The following LARGE1 variants were observed in gnomAD, a reference collection of about 807,000 sequenced individuals.
The protein encoded by LARGE1 is xylosyl- and glucuronyltransferase LARGE1.
LARGE1 carries 43 observed loss-of-function variants against 87.6 expected under a neutral mutation model. The observed-to-expected ratio is 0.49, with a 90% CI of 0.38 to 0.63. The LOEUF (loss-of-function observed/expected upper bound fraction) is 0.63, where lower values mean the gene tolerates loss of function less well. LARGE1 is among the 30% of genes least tolerant of loss of function. LARGE1 has a pLI of 0.00. For missense variants in LARGE1, 802 were observed against 1,000.2 expected, an observed-to-expected ratio of 0.80 and a Z score of 2.67; for synonymous variants, 434 against 394.6, an observed-to-expected ratio of 1.10 and a Z score of -1.18.
intron 12 of LARGE1, among the ~76,000 whole-genome samples, chr22:33,289,840 A>T (rs867611665): frequency 6.6e-6 from 1 of 152,054 alleles, no homozygotes; most frequent in Admixed American, 6.6e-5. Flanking sequence ...CCTCTTCTGT[A>T]TATCTTTTTT....
intron 10 of LARGE1, among the ~76,000 whole-genome samples, chr22:33,326,318 T>G (rs897331461): frequency 6.6e-6 from 1 of 152,204 alleles, no homozygotes; most frequent in African/African-American, 2.4e-5. Flanking sequence ...TGCCAAGTCT[T>G]GTGCTAGGAA....
chr22:33,717,532 A>G lies in LARGE1; in HGVS notation c.106+43839T>C, dbSNP rs144452135. On this transcript the variant is annotated intron_variant, in intron 2 of 14. Coordinates refer to ENST00000397394, the MANE Select transcript of LARGE1 (RefSeq NM_133642.5). ...TCAGATTATAATCTTGGAGAAATCC[A>G]GAAAGCCACAGAGGAGCCCGTAAAG... 4.5e-4 allele frequency among the ~76,000 whole-genome samples: 68 copies of G among 152,326 alleles called. 1 individual carries two copies. The highest frequency in any genetic ancestry group is 1.5e-3 in the African/African-American group (64 of 41,576).
chr22:33,421,251 A>C (rs967255049), intron 7 of LARGE1, among the ~76,000 whole-genome samples: 1 of 152,066 alleles, frequency 6.6e-6, no homozygotes, highest in South Asian at 2.1e-4. Flanking sequence ...TCAATAAAGG[A>C]GTGGGAAAAT....
At chr22:33,224,319 G>GATGAACGGATAGATGA (rs137470) in intron 11 of LARGE1, among the ~76,000 whole-genome samples, 50,968 of 151,904 alleles carry the variant, frequency 0.34, 10,445 homozygotes, top group African/African-American at 0.59. Context: ...AAAAGTGCTG[G>GATGAACGGATAGATGA]ATAAATGCCC....
chr22:33,250,347 A>G (rs1172789857), intron 11 of LARGE1, among the ~76,000 whole-genome samples: 2 of 152,232 alleles, frequency 1.3e-5, no homozygotes, highest in Non-Finnish European at 2.9e-5. Context: ...TAAGAAAGCA[A>G]TTGATGTTTA....
the LARGE1 span, among the ~76,000 whole-genome samples, chr22:33,084,868 A>ATTAC: frequency 6.6e-6 from 1 of 152,176 alleles, no homozygotes; most frequent in Non-Finnish European, 1.5e-5. Context: ...TTATTATAAC[A>ATTAC]ACATCCTCAA....
chr22:33,746,112 T>G lies in LARGE1; in HGVS notation c.106+15259A>C, dbSNP rs569666447. ...CGAAAATTAGTCGGGTATGGTGGCA[T>G]GCGCCTGTAGTCCCAGCTACTCGGG... On this transcript the variant is annotated intron_variant, in intron 2 of 14. Coordinates refer to ENST00000397394, the MANE Select transcript of LARGE1 (RefSeq NM_133642.5). 6.6e-5 allele frequency among the ~76,000 whole-genome samples: 10 copies of G among 152,260 alleles called. No homozygotes were observed. In the South Asian group the frequency reaches 1.7e-3, roughly 25 times the overall value.
intron 12 of LARGE1, among the ~76,000 whole-genome samples, chr22:33,286,781 A>G (rs930393761): frequency 7.9e-5 from 12 of 152,244 alleles, no homozygotes; most frequent in African/African-American, 1.4e-4. Flanking sequence ...GGATGTTTGT[A>G]TCTATATAAG....
chr22:33,349,915 A>C (rs1173058444), intron 9 of LARGE1, among the ~76,000 whole-genome samples: 1 of 152,224 alleles, frequency 6.6e-6, no homozygotes, highest in African/African-American at 2.4e-5. Flanking sequence ...GGAAGAAAAG[A>C]GACCCAACTC....
At chr22:33,216,341 T>C (rs1354548805) in intron 11 of LARGE1, among the ~76,000 whole-genome samples, 1 of 151,624 alleles carries the variant, frequency 6.6e-6, no homozygotes, top group African/African-American at 2.4e-5. Context: ...TAAAAAGGGC[T>C]TGGGGGGCTG....
chr22:33,619,476 A>G (rs1264538610), intron 4 of LARGE1, among the ~76,000 whole-genome samples: 1 of 150,626 alleles, frequency 6.6e-6, no homozygotes, highest in Non-Finnish European at 1.5e-5. Context: ...AATTGCTTGA[A>G]CTTGGGAGGC....
At chr22:33,650,857 C>A (rs1219943472) in intron 2 of LARGE1, among the ~76,000 whole-genome samples, 189 bp from the exon 3 acceptor site, 3 of 152,140 alleles carry the variant, frequency 2.0e-5, no homozygotes, top group Non-Finnish European at 4.4e-5. Context: ...GAGAACAGAA[C>A]AACTTATTAT....
intron 1 of LARGE1, among the ~76,000 whole-genome samples, chr22:33,905,966 C>T (rs1411808602): frequency 6.6e-6 from 1 of 151,988 alleles, no homozygotes; most frequent in East Asian, 1.9e-4. Flanking sequence ...CCCATCTCTA[C>T]TAAAAATACA....
At chr22:33,263,136 C>T (rs897538110) in intron 11 of LARGE1, among the ~76,000 whole-genome samples, 4 of 152,040 alleles carry the variant, frequency 2.6e-5, no homozygotes, top group Admixed American at 6.6e-5. Flanking sequence ...CCTTGTGATT[C>T]GCCACCTCAG....
chr22:33,682,884 G>A (rs2081824507), intron 2 of LARGE1, among the ~76,000 whole-genome samples: 1 of 152,202 alleles, frequency 6.6e-6, no homozygotes, highest in South Asian at 2.1e-4. Context: ...CCAATGGTAG[G>A]GAACAAAGCC....
intron 1 of LARGE1, among the ~76,000 whole-genome samples, chr22:33,825,744 A>G (rs753576763): frequency 4.6e-5 from 7 of 152,150 alleles, no homozygotes; most frequent in Non-Finnish European, 8.8e-5. Context: ...CAGCAAAACC[A>G]TATCAGATGG....
At chr22:33,569,285 G>A (rs2078123034) in intron 5 of LARGE1, among the ~76,000 whole-genome samples, 1 of 152,284 alleles carries the variant, frequency 6.6e-6, no homozygotes, top group South Asian at 2.1e-4. Flanking sequence ...GAACACGAGA[G>A]TGATGGGTTA....
chr22:33,696,553 A>C (rs1388826536), intron 2 of LARGE1, among the ~76,000 whole-genome samples: 1 of 152,108 alleles, frequency 6.6e-6, no homozygotes, highest in African/African-American at 2.4e-5. Flanking sequence ...CTATCTATTC[A>C]GTTTTATAGG....
At chr22:33,804,250 A>G (rs1184999040) in intron 1 of LARGE1, among the ~76,000 whole-genome samples, 1 of 152,178 alleles carries the variant, frequency 6.6e-6, no homozygotes, top group Non-Finnish European at 1.5e-5. Flanking sequence ...AGAGCCCTCT[A>G]TCTATCCAAA....
Sources: allele counts gnomAD v4.1 joint callset (sites outside exome capture counted in the v4.1 genomes callset), GRCh38; gene constraint gnomAD v4.1.1; transcripts MANE v1.5; gene names NCBI Gene and HGNC (gene_info 2026-07-23, HGNC 2026-07-21).